PSMA6: variants seen among roughly 807,000 people sequenced by gnomAD.
PSMA6 encodes the protein proteasome subunit alpha type-6.
For synonymous variants in PSMA6, 88 were observed against 97.7 expected, an observed-to-expected ratio of 0.90 and a Z score of 0.59; for missense variants, 170 against 294.8, an observed-to-expected ratio of 0.58 and a Z score of 3.10.
At chr14:35,290,717 C>T (rs1462283121), upstream of PSMA6, among the ~76,000 whole-genome samples, 1 of 152,186 alleles carries the variant, frequency 6.6e-6, no homozygotes, top group Non-Finnish European at 1.5e-5. Context: ...CACAAACCAT[C>T]TTTATCTGGG....
chr14:35,309,079 A>T lies in PSMA6; in HGVS notation c.253+84A>T. 3 of 1,070,884 alleles carry T rather than the reference A, an allele frequency of 2.8e-6. No homozygotes were observed. In the East Asian group the frequency reaches 7.3e-5, roughly 26 times the overall value. The allele number at this position is 1,070,884 out of a possible 1,614,324, so 66.3% of individuals were successfully genotyped here. On this transcript the variant is annotated intron_variant, in intron 3 of 6. Coordinates refer to ENST00000261479, the MANE Select transcript of PSMA6 (RefSeq NM_002791.3). ...TTCAAATTATTTTGAGTTTTGTATT[A>T]ATTTTAAACTTATTGCCTGATTTTC...
At chr14:35,292,573 T>G (rs1329355246) in intron 1 of PSMA6, 21 bp downstream of exon 1, 2 of 1,611,562 alleles carry the variant, frequency 1.2e-6, no homozygotes, top group South Asian at 1.1e-5. Context: ...CAGGTTCGCC[T>G]GTGGGCCACC....
chr14:35,308,133 A>AT, intron 2 of PSMA6, 45 bp downstream of exon 2: 1 of 1,602,142 alleles, frequency 6.2e-7, no homozygotes, highest in Admixed American at 1.7e-5. Flanking sequence ...GAATATAAGA[A>AT]TTTTTCAGCC....
chr14:35,290,253 C>T (rs1246366671), upstream of PSMA6, among the ~76,000 whole-genome samples: 1 of 152,176 alleles, frequency 6.6e-6, no homozygotes. Context: ...GTTCATCCTC[C>T]TAGCAGCCTT....
intron 1 of PSMA6, among the ~76,000 whole-genome samples, chr14:35,282,692 A>C (rs189309508): frequency 8.5e-5 from 13 of 152,126 alleles, no homozygotes; most frequent in South Asian, 8.3e-4. Flanking sequence ...CCATCTCTAC[A>C]AAAAAGACAA....
chr14:35,304,996 A>G (rs1269363134), intron 1 of PSMA6, among the ~76,000 whole-genome samples: 2 of 152,090 alleles, frequency 1.3e-5, no homozygotes, highest in South Asian at 2.1e-4. Context: ...GAGGGTCTGA[A>G]TCAGAAGTTT....
At chr14:35,301,091 A>C (rs2051702199) in intron 1 of PSMA6, among the ~76,000 whole-genome samples, 1 of 152,132 alleles carries the variant, frequency 6.6e-6, no homozygotes, top group African/African-American at 2.4e-5. Context: ...AAAATAATAG[A>C]ATTCTGGGAA....
At chr14:35,297,133 T>TG (rs1208658781) in intron 1 of PSMA6, among the ~76,000 whole-genome samples, 2 of 149,534 alleles carry the variant, frequency 1.3e-5, no homozygotes, top group Non-Finnish European at 3.0e-5. Context: ...TTTTTTTTTT[T>TG]TTTTTTTTTT....
intron 1 of PSMA6, among the ~76,000 whole-genome samples, chr14:35,295,648 C>G (rs369672517): frequency 6.6e-6 from 1 of 152,030 alleles, no homozygotes; most frequent in Non-Finnish European, 1.5e-5. Flanking sequence ...GATGGGGTTT[C>G]ACCATGTTGG....
intron 1 of PSMA6, among the ~76,000 whole-genome samples, chr14:35,294,444 G>A (rs755391159): frequency 6.6e-6 from 1 of 152,244 alleles, no homozygotes. Context: ...TGAGCAAGCA[G>A]TATAGTGAAG....
At chr14:35,299,623 C>A (rs1285806951) in intron 1 of PSMA6, among the ~76,000 whole-genome samples, 2 of 152,072 alleles carry the variant, frequency 1.3e-5, no homozygotes, top group Non-Finnish European at 2.9e-5. Context: ...TGCCCAGCCT[C>A]TTTTTTCTTA....
At chr14:35,292,245 A>C, upstream of PSMA6, 1 of 1,284,404 alleles carries the variant, frequency 7.8e-7, no homozygotes, top group East Asian at 3.1e-5. Context: ...TGCTTGGCGC[A>C]GGCGCATACC....
intron 1 of PSMA6, among the ~76,000 whole-genome samples, chr14:35,279,642 A>G (rs978421208): frequency 1.3e-5 from 2 of 152,194 alleles, no homozygotes; most frequent in African/African-American, 4.8e-5. Context: ...TCCAACTCCT[A>G]AAGAAATAAA....
intron 1 of PSMA6, among the ~76,000 whole-genome samples, chr14:35,279,051 T>G (rs143800633): frequency 2.9e-4 from 44 of 152,176 alleles, no homozygotes; most frequent in African/African-American, 8.2e-4. Flanking sequence ...GTATTCTTTT[T>G]TGTGTGTGTG....
At chr14:35,297,463 C>G (rs2051620509) in intron 1 of PSMA6, among the ~76,000 whole-genome samples, 1 of 152,098 alleles carries the variant, frequency 6.6e-6, no homozygotes, top group Non-Finnish European at 1.5e-5. Flanking sequence ...GATCCGCCTG[C>G]CTCGGCCTCC....
At chr14:35,312,665 A>G (rs1479050871) in intron 4 of PSMA6, 2 of 449,310 alleles carry the variant, frequency 4.5e-6, no homozygotes, top group Non-Finnish European at 7.8e-6. Flanking sequence ...ATTTTTTTTA[A>G]TCTGTGATAA....
intron 1 of PSMA6, among the ~76,000 whole-genome samples, chr14:35,279,759 A>G (rs1388327235): frequency 6.6e-6 from 1 of 152,260 alleles, no homozygotes; most frequent in African/African-American, 2.4e-5. Context: ...CTCTTTGTTC[A>G]TCAACACACC....
chr14:35,308,395 T>C, intron 2 of PSMA6: 1 of 195,430 alleles, frequency 5.1e-6, no homozygotes, highest in Non-Finnish European at 1.0e-5. Context: ...CACTCCAGCC[T>C]GGGCAACAAC....
In PSMA6 at chr14:35,308,083, G is replaced by A. The variant is rs1356154141; in HGVS notation, c.166G>A (p.Val56Ile). 1 of 1,613,570 alleles carries A rather than the reference G, an allele frequency of 6.2e-7. No individual in the cohort carries two copies. Among genetic ancestry groups the A allele is most frequent in the Non-Finnish European group, 8.5e-7 (1 of 1,179,682 alleles). ...DCAVIVTQKKVPDKLLDSSTV... is the reference protein window; with the variant it reads ...DCAVIVTQKKIPDKLLDSSTV... ...TGCAGTAATTGTCACACAGAAGAAA[G>A]TACCTGTAAGTAATACTGCCCAAAT... Residue 56 changes from valine to isoleucine, a missense_variant, in exon 2 of 7, where the codon GTA (valine) becomes ATA (isoleucine). Coordinates refer to ENST00000261479, the MANE Select transcript of PSMA6 (RefSeq NM_002791.3).
Sources: gnomAD v4.1 joint callset for allele counts (sites outside exome capture counted in the v4.1 genomes callset) on GRCh38, gnomAD v4.1.1 for gene constraint, MANE v1.5 for transcripts, NCBI Gene and HGNC (gene_info 2026-07-23, HGNC 2026-07-21) for gene names.